The following XIRP2 variants were observed in gnomAD, a reference collection of about 807,000 sequenced individuals.
XIRP2 encodes xin actin-binding repeat-containing protein 2.
In XIRP2, 236 loss-of-function variants were observed where a neutral mutation model predicts 277.0. The observed-to-expected ratio is 0.85, with a 90% confidence interval of 0.77 to 0.95. The LOEUF (loss-of-function observed/expected upper bound fraction) is 0.95. Ranked by LOEUF, XIRP2 falls within the 40% of genes least tolerant of loss-of-function variation. The pLI, the probability that XIRP2 is intolerant of heterozygous loss-of-function variation, is 0.00. For synonymous variants in XIRP2, 1,490 were observed against 1,416.5 expected, an observed-to-expected ratio of 1.05 and a Z score of -1.17; for missense variants, 4,640 against 4,157.5, an observed-to-expected ratio of 1.12 and a Z score of -3.19.
At chr2:167,035,496 C>T (rs1401414731) in intron 2 of XIRP2, among the ~76,000 whole-genome samples, 8 of 152,088 alleles carry the variant, frequency 5.3e-5, no homozygotes, top group Admixed American at 2.6e-4. Context: ...ATTTGTGAAA[C>T]TTTGAACTTG....
At chr2:167,048,298 A>G (rs1266904326) in intron 2 of XIRP2, among the ~76,000 whole-genome samples, 2 of 151,950 alleles carry the variant, frequency 1.3e-5, no homozygotes, top group Non-Finnish European at 2.9e-5. Context: ...ACTCTCTTCA[A>G]TACTATACAA....
At chr2:166,994,559 A>G (rs1420101361) in intron 2 of XIRP2, among the ~76,000 whole-genome samples, 1 of 148,084 alleles carries the variant, frequency 6.8e-6, no homozygotes, top group African/African-American at 2.5e-5. Flanking sequence ...ACTGCATTTC[A>G]ATAGCACTTC....
At chr2:167,178,914 C>G in intron 3 of XIRP2, among the ~76,000 whole-genome samples, 1 of 152,092 alleles carries the variant, frequency 6.6e-6, no homozygotes, top group East Asian at 1.9e-4. Flanking sequence ...TGAAAACTTT[C>G]TCAGTGAAAG....
At chr2:167,183,145 G>A (rs1693061530) in intron 3 of XIRP2, among the ~76,000 whole-genome samples, 1 of 152,194 alleles carries the variant, frequency 6.6e-6, no homozygotes, top group Admixed American at 6.5e-5. Context: ...TTTAGCAGTA[G>A]AAGGGCTTTG....
chr2:166,921,252 T>C (rs916703200), intron 2 of XIRP2, among the ~76,000 whole-genome samples: 2 of 152,126 alleles, frequency 1.3e-5, no homozygotes, highest in African/African-American at 4.8e-5. Flanking sequence ...CTGAATTGTA[T>C]GGTAAGAGTA....
intron 1 of XIRP2, among the ~76,000 whole-genome samples, chr2:166,892,835 T>C (rs1684138227): frequency 6.7e-6 from 1 of 148,716 alleles, no homozygotes; most frequent in Non-Finnish European, 1.5e-5. Flanking sequence ...ATAACTTCTA[T>C]GATATGTTAT....
At chr2:167,126,175 G>GCTCT (rs759213012) in intron 2 of XIRP2, among the ~76,000 whole-genome samples, 12 of 131,124 alleles carry the variant, frequency 9.2e-5, no homozygotes, top group Non-Finnish European at 1.2e-4. Flanking sequence ...CTCCTTGTGC[G>GCTCT]CTCTCTCTCT....
chr2:167,144,170 A>G (rs1691801661), intron 3 of XIRP2, among the ~76,000 whole-genome samples: 1 of 152,164 alleles, frequency 6.6e-6, no homozygotes, highest in Non-Finnish European at 1.5e-5. Context: ...AATATATGTG[A>G]AAACACAGAT....
At chr2:167,235,316 A>T (rs1422702372) in intron 5 of XIRP2, among the ~76,000 whole-genome samples, 5 of 151,850 alleles carry the variant, frequency 3.3e-5, no homozygotes, top group Non-Finnish European at 1.5e-5. Context: ...TTGATATATT[A>T]TTGCTAGTGT....
chr2:167,048,109 T>C (rs1688831479), intron 2 of XIRP2, among the ~76,000 whole-genome samples: 1 of 151,988 alleles, frequency 6.6e-6, no homozygotes, highest in Non-Finnish European at 1.5e-5. Flanking sequence ...AAAGACAGAA[T>C]CATTCAGTCT....
At position 167,250,571 on chromosome 2, in the gene XIRP2, A is replaced by G. The variant is rs1695453559; in HGVS notation, c.9179A>G (p.His3060Arg). 2 of 1,613,620 alleles carry G rather than the reference A, an allele frequency of 1.2e-6. No individual in the cohort carries two copies. Among genetic ancestry groups the G allele is most frequent in the South Asian group, 1.1e-5 (1 of 91,060 alleles). Residue 3060 changes from histidine (H) to arginine (R), a missense_variant, in exon 9 of 11, where the codon CAT becomes CGT. His to Arg is a conservative substitution (Grantham distance 29). Coordinates refer to ENST00000409195, the MANE Select transcript of XIRP2 (RefSeq NM_152381.6). ...ACATCATCCAAAGTATCTAATGTTC[A>G]TGTCAGCAATAATAAAAATAGTGAA... is the stretch of plus-strand genomic sequence containing the variant. ...DETSSKVSNV[H>R]VSNNKNSEQK... is the part of the protein sequence containing the mutation.
intron 3 of XIRP2, among the ~76,000 whole-genome samples, chr2:167,144,135 A>C (rs527324145): frequency 6.6e-6 from 1 of 152,192 alleles, no homozygotes; most frequent in African/African-American, 2.4e-5. Context: ...TAATATACAT[A>C]ATGCAATATA....
intron 4 of XIRP2, among the ~76,000 whole-genome samples, chr2:167,214,276 AGAGG>A (rs200168568): frequency 0.031 from 1,771 of 56,892 alleles, 67 homozygotes; most frequent in Non-Finnish European, 0.037. Context: ...AGAGAGAAAG[AGAGG>A]GAGGGAGGGA....
intron 2 of XIRP2, among the ~76,000 whole-genome samples, chr2:166,918,873 C>T (rs913115174): frequency 2.0e-5 from 3 of 152,084 alleles, no homozygotes; most frequent in Non-Finnish European, 4.4e-5. Context: ...TCATCTAAAC[C>T]GGTCTCAGGG....
chr2:167,081,697 A>G (rs894439500), intron 2 of XIRP2, among the ~76,000 whole-genome samples: 1 of 152,190 alleles, frequency 6.6e-6, no homozygotes, highest in Admixed American at 6.6e-5. Context: ...TTAAATATAG[A>G]TCCTTTAACT....
At chr2:167,204,887 A>G (rs1693814231) in intron 3 of XIRP2, among the ~76,000 whole-genome samples, 1 of 152,170 alleles carries the variant, frequency 6.6e-6, no homozygotes, top group South Asian at 2.1e-4. Context: ...TTCTCCAAAG[A>G]TTCATAATTT....
At chr2:167,218,013 G>A (rs972316312) in intron 4 of XIRP2, among the ~76,000 whole-genome samples, 153 bp from the exon 5 acceptor site, 8 of 152,070 alleles carry the variant, frequency 5.3e-5, no homozygotes, top group African/African-American at 1.4e-4. Context: ...ATTTATTAAG[G>A]TTTTTGTTAA....
chr2:166,996,373 G>A (rs993226930), intron 2 of XIRP2, among the ~76,000 whole-genome samples: 4 of 152,194 alleles, frequency 2.6e-5, no homozygotes, highest in African/African-American at 7.2e-5. Context: ...GCTTATGCCT[G>A]TAATCTCAGC....
At chr2:167,165,597 G>A (rs1223108760) in intron 3 of XIRP2, among the ~76,000 whole-genome samples, 1 of 152,188 alleles carries the variant, frequency 6.6e-6, no homozygotes, top group Non-Finnish European at 1.5e-5. Flanking sequence ...TGACGATGAT[G>A]TGGAGCCTCT....
Sources: allele counts gnomAD v4.1 joint callset (sites outside exome capture counted in the v4.1 genomes callset), GRCh38; gene constraint gnomAD v4.1.1; transcripts MANE v1.5; gene names NCBI Gene and HGNC (gene_info 2026-07-23, HGNC 2026-07-21).